Variants in NELFB observed in about 807,000 individuals in gnomAD.
NELFB encodes the protein negative elongation factor B.
Under a neutral mutation model 60.2 loss-of-function variants are expected in NELFB, and 34 were observed. The observed-to-expected ratio is 0.56, with a 90% confidence interval of 0.43 to 0.75. The LOEUF (loss-of-function observed/expected upper bound fraction) is 0.75, where lower values mean the gene tolerates loss of function less well. Ranked by LOEUF, NELFB falls within the 30% of genes least tolerant of loss-of-function variation. The pLI is 0.00. For synonymous variants in NELFB, 459 were observed against 382.1 expected, an observed-to-expected ratio of 1.20 and a Z score of -2.35; for missense variants, 770 against 831.6, an observed-to-expected ratio of 0.93 and a Z score of 0.91.
chr9:137,264,078 G>T (rs865962650), intron 5 of NELFB, among the ~76,000 whole-genome samples, 167 bp from the exon 6 acceptor site: 1 of 152,214 alleles, frequency 6.6e-6, no homozygotes, highest in African/African-American at 2.4e-5. Context: ...TGCTTTGGCC[G>T]GGAGGTGTGG....
chr9:137,272,919 C>T lies in NELFB; in HGVS notation c.1878C>T (p.Ala626=). 1 of 1,533,356 alleles carries T rather than the reference C, an allele frequency of 6.5e-7. No homozygotes were observed. The highest frequency in any genetic ancestry group is 1.4e-5 in the African/African-American group (1 of 72,726). The allele number at this position is 1,533,356 out of a possible 1,614,324, so 95.0% of individuals were successfully genotyped here. The change falls in exon 13 of 13, where the codon GCC becomes GCT. Residue 626 remains alanine (A), a synonymous_variant. Coordinates refer to ENST00000343053, the MANE Select transcript of NELFB (RefSeq NM_015456.5). Reference sequence around the variant, plus strand: ...CCCTCCCCAGCGTGCCCGCCCCTGCCCCGCTCTGAGGGCCCTCCAGACCTG... The same window carrying T: ...CCCTCCCCAGCGTGCCCGCCCCTGCTCCGCTCTGAGGGCCCTCCAGACCTG...
chr9:137,262,241 T>C (rs1471331911), intron 4 of NELFB, among the ~76,000 whole-genome samples: 2 of 151,966 alleles, frequency 1.3e-5, no homozygotes, highest in African/African-American at 2.4e-5. Flanking sequence ...TTCTCTAAAC[T>C]CCCCCGGGGA....
chr9:137,265,252 C>T (rs1397504772), intron 6 of NELFB, among the ~76,000 whole-genome samples: 1 of 151,844 alleles, frequency 6.6e-6, no homozygotes, highest in Non-Finnish European at 1.5e-5. Flanking sequence ...AACAAACAAT[C>T]CACCGGCCTC....
chr9:137,256,316 T>G lies in NELFB; in HGVS notation c.411-13T>G. ...GCGCATCGCTGCACCATCAATCCTG[T>G]GAGTTGTTCCAGGTACAAGAAGCTG... On this transcript the variant is annotated splice_polypyrimidine_tract_variant and intron_variant, in intron 2 of 12. Transcript: ENST00000343053. The G allele has an allele frequency of 6.2e-7, 1 of 1,611,838 alleles. No homozygotes were observed. Among genetic ancestry groups the G allele is most frequent in the Non-Finnish European group, 8.5e-7 (1 of 1,178,194 alleles).
Position 137,272,917 on chromosome 9 carries a change from G to A in NELFB, c.1876G>A (p.Ala626Thr), listed in dbSNP as rs1220780863. 9.1e-6 allele frequency: 14 copies of A among 1,532,992 alleles called. No individual in the cohort carries two copies. Among genetic ancestry groups the A allele is most frequent in the African/African-American group, 1.4e-5 (1 of 72,572 alleles). The allele number at this position is 1,532,992 out of a possible 1,614,324, so 95.0% of individuals were successfully genotyped here. The change falls in exon 13 of 13, where the codon GCC becomes ACC. Residue 626 changes from alanine to threonine, a missense_variant. Transcript: ENST00000343053. ...GCCCCTCCCCAGCGTGCCCGCCCCT[G>A]CCCCGCTCTGAGGGCCCTCCAGACC...
intron 2 of NELFB, 31 bp downstream of exon 2, chr9:137,256,101 A>T (rs1193684673): frequency 1.2e-6 from 2 of 1,600,802 alleles, no homozygotes; most frequent in East Asian, 2.2e-5. Flanking sequence ...GGCAGGTGAG[A>T]TGTGCAGCCG....
chr9:137,265,925 A>G lies in NELFB; in HGVS notation c.1089A>G (p.Ala363=). The G allele has an allele frequency of 6.2e-7, 1 of 1,613,254 alleles. No individual in the cohort carries two copies. The highest frequency in any genetic ancestry group is 8.5e-7 in the Non-Finnish European group (1 of 1,179,962). Residue 363 remains alanine (A), a synonymous_variant, in exon 7 of 13, where the codon GCA becomes GCG. Coordinates refer to ENST00000343053, the MANE Select transcript of NELFB (RefSeq NM_015456.5). Reference sequence around the variant, plus strand: ...ACCCCTTCGCCATCAACACGCTGGCACTGAGCACAGTCAGGCACCTGCAGG... The same window carrying G: ...ACCCCTTCGCCATCAACACGCTGGCGCTGAGCACAGTCAGGCACCTGCAGG...
At position 137,266,977 on chromosome 9, in the gene NELFB, C is replaced by T; in HGVS notation, c.1273C>T (p.Leu425Phe). ...GCTCATCACCAGGTTCCTCCCGATG[C>T]TCATGTCCTTCCTGGTGGATGACTA... Residue 425 changes from leucine (L) to phenylalanine (F), a missense_variant, in exon 9 of 13, where the codon CTC (leucine) becomes TTC (phenylalanine). By Grantham distance (22) the Leu-to-Phe change is conservative (BLOSUM62 0). Transcript: ENST00000343053. 1 of 1,613,958 alleles carries T rather than the reference C, an allele frequency of 6.2e-7. No homozygotes were observed. The highest frequency in any genetic ancestry group is 1.7e-5 in the Admixed American group (1 of 60,026).
intron 1 of NELFB, 119 bp from the exon 2 acceptor site, chr9:137,255,787 TG>T: frequency 6.6e-7 from 1 of 1,526,404 alleles, no homozygotes; most frequent in Non-Finnish European, 8.8e-7. Flanking sequence ...TGGCTTTCGG[TG>T]GCTGCGGTTA....
chr9:137,257,763 A>G (rs1837579266), intron 4 of NELFB, among the ~76,000 whole-genome samples: 1 of 150,654 alleles, frequency 6.6e-6, no homozygotes, highest in Non-Finnish European at 1.5e-5. Context: ...CGGCCTCCCA[A>G]AGTGCTGGGA....
chr9:137,268,848 G>A (rs887839263), intron 10 of NELFB, among the ~76,000 whole-genome samples: 2 of 152,068 alleles, frequency 1.3e-5, no homozygotes, highest in African/African-American at 4.8e-5. Context: ...AAGAGAGACA[G>A]AGACAGGAGA....
At chr9:137,265,385 AGC>A in intron 6 of NELFB, among the ~76,000 whole-genome samples, 1 of 60,742 alleles carries the variant, frequency 1.6e-5, no homozygotes, top group African/African-American at 4.7e-5. Context: ...GCAAACCTTA[AGC>A]TTTTTTTTTT....
intron 7 of NELFB, 59 bp from the exon 8 acceptor site, chr9:137,266,272 G>A: frequency 6.8e-7 from 1 of 1,463,772 alleles, no homozygotes; most frequent in Non-Finnish European, 9.4e-7. Context: ...AGGGTCAGAG[G>A]AGCTCCATGG....
At chr9:137,256,783 GAC>G in intron 3 of NELFB, 39 bp from the exon 4 acceptor site, 1 of 1,594,152 alleles carries the variant, frequency 6.3e-7, no homozygotes. Context: ...GAGACCCAGG[GAC>G]ACAGGTGCCA....
chr9:137,261,472 AC>A (rs1830446320), intron 4 of NELFB, among the ~76,000 whole-genome samples: 1 of 152,068 alleles, frequency 6.6e-6, no homozygotes, highest in Admixed American at 6.6e-5. Context: ...AGCCCGGGCA[AC>A]ATGGTGAAAC....
Position 137,269,367 on chromosome 9 carries a change from G to T in NELFB, c.1489+2021G>T, listed in dbSNP as rs1268625552. On this transcript the variant is annotated intron_variant, in intron 10 of 12. Transcript: ENST00000343053. This position sits in a 1 kb window ranked among gnomAD's most constrained non-coding sequence, Gnocchi z 5.3. ...CTTCTGGAGGCTCAGGGAGGCTCTT[G>T]AGGGCATTGGGACATCGTGCTGCCG... Among the ~76,000 whole-genome samples the T allele has an allele frequency of 2.6e-5, 4 of 152,188 alleles. No individual in the cohort carries two copies. The highest frequency in any genetic ancestry group is 4.4e-5 in the Non-Finnish European group (3 of 68,034).
At chr9:137,268,987 C>G (rs957099119) in intron 10 of NELFB, among the ~76,000 whole-genome samples, 5 of 152,172 alleles carry the variant, frequency 3.3e-5, no homozygotes, top group South Asian at 2.1e-4. Context: ...CACTCCTGTG[C>G]TAACAGCGAG....
Position 137,263,127 on chromosome 9 carries a change from C to A in NELFB, c.832C>A (p.Arg278=), listed in dbSNP as rs539723050. Residue 278 remains arginine, a synonymous_variant, in exon 5 of 13, where the codon CGG becomes AGG. Transcript: ENST00000343053. ...TCTGCGCACGCTCTTCCTGCGCACG[C>A]GGAATGTGCACTACTGCACGCTGCG... 115 of 1,614,070 alleles carry A rather than the reference C, an allele frequency of 7.1e-5. No individual in the cohort carries two copies. In the Admixed American group the frequency reaches 1.2e-3, roughly 17 times the overall value.
At chr9:137,255,668 G>A in intron 1 of NELFB, 57 bp downstream of exon 1, 5 of 1,506,052 alleles carry the variant, frequency 3.3e-6, no homozygotes, top group Admixed American at 2.3e-5. Context: ...CGCCTGCTCG[G>A]GAGTCGGGCC....
Sources: allele counts gnomAD v4.1 joint callset (sites outside exome capture counted in the v4.1 genomes callset), GRCh38; gene constraint gnomAD v4.1.1; non-coding constraint Gnocchi (gnomAD v3.1); transcripts MANE v1.5; gene names NCBI Gene and HGNC (gene_info 2026-07-23, HGNC 2026-07-21).